FOXF1: variants seen among roughly 807,000 people sequenced by gnomAD.
FOXF1 encodes forkhead box F1.
FOXF1 carries 9 observed loss-of-function variants against 26.6 expected under a neutral mutation model. That is an observed-to-expected ratio of 0.34 (90% CI 0.20 to 0.59). The LOEUF (loss-of-function observed/expected upper bound fraction) is 0.59. FOXF1 is among the 20% of genes least tolerant of loss of function. The probability of loss-of-function intolerance (pLI) is 0.83; values close to 1 mark genes in which losing one functional copy is unlikely to be tolerated. For missense variants in FOXF1, 499 were observed against 549.9 expected (o/e 0.91, Z 0.93); for synonymous variants, 330 against 257.7 (o/e 1.28, Z -2.69).
rs1354540889 is a variant in FOXF1 at position 86,510,896 on chromosome 16, A to G, written c.327A>G (p.Leu109=). The G allele has an allele frequency of 6.2e-7, 1 of 1,613,594 alleles. No homozygotes were observed. Among genetic ancestry groups the G allele is most frequent in the Non-Finnish European group, 8.5e-7 (1 of 1,179,996 alleles). Residue 109 remains leucine, a synonymous_variant, in exon 1 of 2, where the codon CTA becomes CTG. Transcript: ENST00000262426. ...NLSLNECFIK[L]PKGLGRPGKG... is the part of the protein sequence containing the mutation. ...CGCTCAACGAGTGCTTCATCAAGCT[A>G]CCCAAGGGCCTTGGGCGGCCCGGCA...
chr16:86,510,987 C>T lies in FOXF1; in HGVS notation c.418C>T (p.Arg140Trp). The stretch of plus-strand genomic sequence containing the variant: ...GTTCGAGGAGGGCTCCTTTCGGCGG[C>T]GGCCGCGCGGCTTCCGAAGGAAATG... The part of the protein sequence containing the change: ...FMFEEGSFRR[R>W]PRGFRRKCQA... Residue 140 changes from arginine (R) to tryptophan (W), a missense_variant, in exon 1 of 2, where the codon CGG (arginine) becomes TGG (tryptophan). Arg to Trp is a moderately radical substitution (Grantham distance 101, BLOSUM62 -3). Transcript: ENST00000262426. The T allele has an allele frequency of 6.2e-7, 1 of 1,613,188 alleles. No homozygotes were observed. Among genetic ancestry groups the T allele is most frequent in the Non-Finnish European group, 8.5e-7 (1 of 1,180,016 alleles).
chr16:86,510,946 C>T lies in FOXF1; in HGVS notation c.377C>T (p.Pro126Leu). The T allele has an allele frequency of 6.2e-7, 1 of 1,613,780 alleles. No individual in the cohort carries two copies. Among genetic ancestry groups the T allele is most frequent in the Non-Finnish European group, 8.5e-7 (1 of 1,180,020 alleles). ...AAGGGCCACTACTGGACCATCGACC[C>T]GGCCAGCGAGTTCATGTTCGAGGAG... ...PGKGHYWTID[P>L]ASEFMFEEGS... Residue 126 changes from proline to leucine, a missense_variant, in exon 1 of 2, where the codon CCG (proline) becomes CTG (leucine). Transcript: ENST00000262426.
Position 86,513,013 on chromosome 16 carries a change from G to A in FOXF1, c.1068G>A (p.Met356Ile). 6.2e-7 allele frequency: 1 copy of A among 1,613,982 alleles called. No individual in the cohort carries two copies. Among genetic ancestry groups the A allele is most frequent in the Non-Finnish European group, 8.5e-7 (1 of 1,180,046 alleles). ...FSFNAMASSS[M>I]HSAGGGSYYH... ...TCAACGCCATGGCGTCCTCTTCCATGCACTCGGCCGGCGGGGGCTCCTACT... is the reference window on the plus strand; with the variant it reads ...TCAACGCCATGGCGTCCTCTTCCATACACTCGGCCGGCGGGGGCTCCTACT... Residue 356 changes from methionine (M) to isoleucine (I), a missense_variant, in exon 2 of 2, where the codon ATG becomes ATA. By Grantham distance (10) the Met-to-Ile change is conservative (BLOSUM62 1). This residue lies in a region of FOXF1 where 367 missense variants were observed against 324.8 expected (regional missense o/e 1.13). Transcript: ENST00000262426.
Position 86,511,437 on chromosome 16 carries a change from C to T in FOXF1, c.868C>T (p.Leu290=). 6 of 1,595,054 alleles carry T rather than the reference C, an allele frequency of 3.8e-6. No individual in the cohort carries two copies. The highest frequency in any genetic ancestry group is 5.1e-6 in the Non-Finnish European group (6 of 1,178,624). Residue 290 remains leucine, a synonymous_variant, in exon 1 of 2, where the codon CTG becomes TTG. Transcript: ENST00000262426. ...CGCCTCTTATATCAAGCAGCAGCCC[C>T]TGTCCCCCTGTAACCCCGCGGCCAA... ...SGASYIKQQP[L]SPCNPAANPL...
In FOXF1 at chr16:86,513,192, G is replaced by A; in HGVS notation, c.*107G>A. 8.1e-7 allele frequency: 1 copy of A among 1,235,822 alleles called. No homozygotes were observed. The highest frequency in any genetic ancestry group is 1.1e-6 in the Non-Finnish European group (1 of 875,884). 76.6% of individuals were successfully genotyped at this position (1,235,822 alleles called of 1,614,324 possible). The stretch of plus-strand genomic sequence containing the variant: ...AGGTATAACCGTCGGCAGAAGAAAA[G>A]GGTTCCACCTCTCCCCAACCGGAGT... On this transcript the variant is annotated 3_prime_UTR_variant, in exon 2 of 2. Transcript: ENST00000262426.
At position 86,513,013 on chromosome 16, in the gene FOXF1, G is replaced by C. The variant is rs1969592333; in HGVS notation, c.1068G>C (p.Met356Ile). ...FSFNAMASSS[M>I]HSAGGGSYYH... ...TCAACGCCATGGCGTCCTCTTCCAT[G>C]CACTCGGCCGGCGGGGGCTCCTACT... The change falls in exon 2 of 2, where the codon ATG becomes ATC. Residue 356 changes from methionine (M) to isoleucine (I), a missense_variant. Physicochemically the swap from Met to Ile is conservative, Grantham distance 10 (BLOSUM62 1). Transcript: ENST00000262426. 1 of 1,613,864 alleles carries C rather than the reference G, an allele frequency of 6.2e-7. No individual in the cohort carries two copies. Among genetic ancestry groups the C allele is most frequent in the African/African-American group, 1.3e-5 (1 of 74,950 alleles).
Position 86,513,986 on chromosome 16 carries a change from GCGGGGA to G in FOXF1, c.*904_*909del, listed in dbSNP as rs889332556. On this transcript the variant is annotated 3_prime_UTR_variant, in exon 2 of 2. Transcript: ENST00000262426. ...CCGGTGACCGCGCGGATTCAGGATT[GCGGGGA>G]CGCAGAAAGGTTAAGGCACTTTTAA... 1 of 152,280 alleles carries G rather than the reference GCGGGGA, an allele frequency of 6.6e-6. No homozygotes were observed. The highest frequency in any genetic ancestry group is 2.4e-5 in the African/African-American group (1 of 41,466). 9.4% of individuals were successfully genotyped at this position (152,280 alleles called of 1,614,324 possible). A position where few individuals can be genotyped will look rare whatever the true frequency, so the allele number is the denominator to read the frequency against.
At chr16:86,512,864 T>C (rs1222461755) in intron 1 of FOXF1, 61 bp from the exon 2 acceptor site, 17 of 1,604,984 alleles carry the variant, frequency 1.1e-5, no homozygotes, top group Non-Finnish European at 1.4e-5. Context: ...CTGCCTGAAC[T>C]CTGAGCCACC....
In FOXF1 at chr16:86,514,516, A is replaced by G. The variant is rs747896224; in HGVS notation, c.*1431A>G. 6.6e-6 allele frequency: 1 copy of G among 152,052 alleles called. No individual in the cohort carries two copies. The highest frequency in any genetic ancestry group is 2.4e-5 in the African/African-American group (1 of 41,380). 9.4% of individuals were successfully genotyped at this position (152,052 alleles called of 1,614,324 possible). ...CCAGACTCCCAAAGATAGAGGGGGG[A>G]AAAAAGAAAAAACAGGCTTTGGATC... On this transcript the variant is annotated 3_prime_UTR_variant, in exon 2 of 2. Transcript: ENST00000262426.
At position 86,511,568 on chromosome 16, in the gene FOXF1, G is replaced by A. The variant is rs1372620819; in HGVS notation, c.979+20G>A. The A allele has an allele frequency of 3.2e-6, 5 of 1,570,358 alleles. No homozygotes were observed. The highest frequency in any genetic ancestry group is 4.3e-6 in the Non-Finnish European group (5 of 1,165,590). ...TGCAAGGTGAGTGGGGAGGCCGAGG[G>A]CGCCCTGGTCCCCGGGAAGTCGAGT... On this transcript the variant is annotated intron_variant, in intron 1 of 1. Coordinates refer to ENST00000262426, the MANE Select transcript of FOXF1 (RefSeq NM_001451.3).
Position 86,513,430 on chromosome 16 carries a change from C to G in FOXF1, c.*345C>G, listed in dbSNP as rs970992095. On this transcript the variant is annotated 3_prime_UTR_variant, in exon 2 of 2. Transcript: ENST00000262426. The stretch of plus-strand genomic sequence containing the variant: ...CACAGGAATTCTGCTGAGGTCCCCC[C>G]TCCTTCCGGCCAATGGCAGAAGTGG... 3.3e-6 allele frequency: 1 copy of G among 298,778 alleles called. No individual in the cohort carries two copies. The highest frequency in any genetic ancestry group is 6.2e-6 in the Non-Finnish European group (1 of 160,058). 18.5% of individuals were successfully genotyped at this position (298,778 alleles called of 1,614,324 possible).
In FOXF1 at chr16:86,511,125, C is replaced by G. The variant is rs753889969; in HGVS notation, c.556C>G (p.Leu186Val). The G allele has an allele frequency of 6.2e-7, 1 of 1,603,866 alleles. No homozygotes were observed. The highest frequency in any genetic ancestry group is 1.1e-5 in the South Asian group (1 of 91,042). ...CGGCCTCTCGTGCCCGCCCAACAGCCTGGCGCTGGAGGGCGGCCTGGGCAT... is the reference window on the plus strand; with the variant it reads ...CGGCCTCTCGTGCCCGCCCAACAGCGTGGCGCTGGAGGGCGGCCTGGGCAT... ...AGGLSCPPNS[L>V]ALEGGLGMMN... Residue 186 changes from leucine to valine, a missense_variant, in exon 1 of 2, where the codon CTG becomes GTG. Around this residue, in one of 5 missense-constraint regions of FOXF1, gnomAD observed 367 missense variants for 324.8 expected, o/e 1.13. Coordinates refer to ENST00000262426, the MANE Select transcript of FOXF1 (RefSeq NM_001451.3).
rs1271519217 is a variant in FOXF1 at position 86,515,292 on chromosome 16, C to G, written c.*2207C>G. ...CCAGACCCACCGCAGTGTCTTGCGT[C>G]GTGGGGTCGTGAGTCTCTGAACCTG... On this transcript the variant is annotated 3_prime_UTR_variant, in exon 2 of 2. Transcript: ENST00000262426. This position sits in a 1 kb window ranked among gnomAD's most constrained non-coding sequence, Gnocchi z 4.1. 1 of 152,014 alleles carries G rather than the reference C, an allele frequency of 6.6e-6. No homozygotes were observed. Among genetic ancestry groups the G allele is most frequent in the African/African-American group, 2.4e-5 (1 of 41,380 alleles). The allele number at this position is 152,014 out of a possible 1,614,324, so 9.4% of individuals were successfully genotyped here. A position where few individuals can be genotyped will look rare whatever the true frequency, so the allele number is the denominator to read the frequency against.
At position 86,511,015 on chromosome 16, in the gene FOXF1, A is replaced by G; in HGVS notation, c.446A>G (p.Gln149Arg). Reference sequence around the variant, plus strand: ...CCGCGCGGCTTCCGAAGGAAATGCCAGGCGCTCAAGCCCATGTACAGCATG... The same window carrying G: ...CCGCGCGGCTTCCGAAGGAAATGCCGGGCGCTCAAGCCCATGTACAGCATG... Reference protein sequence around the residue: ...RRPRGFRRKCQALKPMYSMMN... With the variant: ...RRPRGFRRKCRALKPMYSMMN... The change falls in exon 1 of 2, where the codon CAG becomes CGG. Residue 149 changes from glutamine (Q) to arginine (R), a missense_variant. Around this residue, in one of 5 missense-constraint regions of FOXF1, gnomAD observed 36 missense variants for 73.7 expected, o/e 0.49. Transcript: ENST00000262426. 1.2e-6 allele frequency: 2 copies of G among 1,612,370 alleles called. No individual in the cohort carries two copies. Among genetic ancestry groups the G allele is most frequent in the Non-Finnish European group, 1.7e-6 (2 of 1,179,924 alleles).
intron 1 of FOXF1, among the ~76,000 whole-genome samples, chr16:86,512,716 A>AGGCAGGCAGGCC (rs1555519382): frequency 7.7e-4 from 115 of 149,566 alleles, no homozygotes; most frequent in African/African-American, 2.7e-3. Context: ...GCAGGCAGGC[A>AGGCAGGCAGGCC]GGCCGTGGCA....
In FOXF1 at chr16:86,510,696, A is replaced by C. The variant is rs1030041885; in HGVS notation, c.127A>C (p.Ile43Leu). ...PSKAKKTNAG[I>L]RRPEKPPYSY... Reference sequence around the variant, plus strand: ...CAAGGCCAAGAAGACCAACGCCGGCATCCGGCGCCCGGAGAAGCCGCCCTA... The same window carrying C: ...CAAGGCCAAGAAGACCAACGCCGGCCTCCGGCGCCCGGAGAAGCCGCCCTA... The change falls in exon 1 of 2, where the codon ATC (isoleucine) becomes CTC (leucine). Residue 43 changes from isoleucine (I) to leucine (L), a missense_variant. Transcript: ENST00000262426. 1 of 1,612,934 alleles carries C rather than the reference A, an allele frequency of 6.2e-7. No homozygotes were observed. Among genetic ancestry groups the C allele is most frequent in the Admixed American group, 1.7e-5 (1 of 60,016 alleles).
chr16:86,513,191 A>G lies in FOXF1; in HGVS notation c.*106A>G. On this transcript the variant is annotated 3_prime_UTR_variant, in exon 2 of 2. Coordinates refer to ENST00000262426, the MANE Select transcript of FOXF1 (RefSeq NM_001451.3). Reference sequence around the variant, plus strand: ...GAGGTATAACCGTCGGCAGAAGAAAAGGGTTCCACCTCTCCCCAACCGGAG... The same window carrying G: ...GAGGTATAACCGTCGGCAGAAGAAAGGGGTTCCACCTCTCCCCAACCGGAG... The G allele has an allele frequency of 7.9e-7, 1 of 1,266,816 alleles. No homozygotes were observed. Among genetic ancestry groups the G allele is most frequent in the Non-Finnish European group, 1.1e-6 (1 of 901,866 alleles). 78.5% of individuals were successfully genotyped at this position (1,266,816 alleles called of 1,614,324 possible).
Position 86,510,700 on chromosome 16 carries a change from G to A in FOXF1, c.131G>A (p.Arg44Gln). Reference sequence around the variant, plus strand: ...GCCAAGAAGACCAACGCCGGCATCCGGCGCCCGGAGAAGCCGCCCTATTCC... The same window carrying A: ...GCCAAGAAGACCAACGCCGGCATCCAGCGCCCGGAGAAGCCGCCCTATTCC... ...SKAKKTNAGIRRPEKPPYSYI... is the reference protein window; with the variant it reads ...SKAKKTNAGIQRPEKPPYSYI... Residue 44 changes from arginine (R) to glutamine (Q), a missense_variant, in exon 1 of 2, where the codon CGG becomes CAG. Arg to Gln is a conservative substitution (Grantham distance 43). Transcript: ENST00000262426. The A allele has an allele frequency of 6.2e-7, 1 of 1,613,004 alleles. No individual in the cohort carries two copies. The highest frequency in any genetic ancestry group is 1.1e-5 in the South Asian group (1 of 91,074).
chr16:86,511,095 G>A lies in FOXF1; in HGVS notation c.526G>A (p.Ala176Thr), dbSNP rs1274444639. 1 of 1,607,612 alleles carries A rather than the reference G, an allele frequency of 6.2e-7. No homozygotes were observed. The highest frequency in any genetic ancestry group is 8.5e-7 in the Non-Finnish European group (1 of 1,179,778). ...GGACACCTACGGCTTCCAGGGCTCG[G>A]CCGGCGGCCTCTCGTGCCCGCCCAA... is the stretch of plus-strand genomic sequence containing the variant. ...LPDTYGFQGS[A>T]GGLSCPPNSL... is the part of the protein sequence containing the mutation. Residue 176 changes from alanine to threonine, a missense_variant, in exon 1 of 2, where the codon GCC (alanine) becomes ACC (threonine). Around this residue, in one of 5 missense-constraint regions of FOXF1, gnomAD observed 367 missense variants for 324.8 expected, o/e 1.13. Transcript: ENST00000262426.
Sources: gnomAD v4.1 joint callset for allele counts (sites outside exome capture counted in the v4.1 genomes callset) on GRCh38, gnomAD v4.1.1 for gene constraint, gnomAD v4.1.1 regional missense constraint, Gnocchi (gnomAD v3.1) non-coding constraint, MANE v1.5 for transcripts, NCBI Gene and HGNC (gene_info 2026-07-23, HGNC 2026-07-21) for gene names.